The following CCNJL variants were observed in gnomAD, a reference collection of about 807,000 sequenced individuals.
CCNJL encodes the protein cyclin-J-like protein.
A neutral mutation model predicts 33.4 loss-of-function variants in CCNJL; 33 were observed. That is an observed-to-expected ratio of 0.99 (90% CI 0.75 to 1.32). The LOEUF is 1.32. Among genes scored for constraint, CCNJL ranks in the 40% most tolerant of loss-of-function variants. The pLI, the probability that CCNJL is intolerant of heterozygous loss-of-function variation, is 0.00. For synonymous variants in CCNJL, 227 were observed against 220.9 expected (o/e 1.03, Z -0.24); for missense variants, 512 against 499.7 (o/e 1.02, Z -0.23).
At chr5:160,258,229 TAAGACC>T in intron 4 of CCNJL, 1 of 613,152 alleles carries the variant, frequency 1.6e-6, no homozygotes. Context: ...TTTTTTTTTT[TAAGACC>T]GAGTCTCGCT....
intron 4 of CCNJL, among the ~76,000 whole-genome samples, chr5:160,257,268 G>T (rs540247019): frequency 6.6e-6 from 1 of 152,014 alleles, no homozygotes; most frequent in Non-Finnish European, 1.5e-5. Context: ...GAGGTCAGGA[G>T]ATCGAGACCA....
rs34177562 is a variant in CCNJL, at chr5:160,261,705, C to T, written c.281-1934G>A. On this transcript the variant is annotated intron_variant, in intron 3 of 5. Transcript: ENST00000257536. ...CCCTCCCCGGGCTGGGAATGCTCTT[C>T]CCCTCACCCCCCTTATCGGTGTCCT... 7.1e-3 allele frequency among the ~76,000 whole-genome samples: 1,079 copies of T among 152,246 alleles called. 8 individuals are homozygous for T. Among genetic ancestry groups the T allele is most frequent in the Middle Eastern group, 0.024 (7 of 294 alleles).
chr5:160,273,153 C>A (rs944914093), intron 3 of CCNJL, among the ~76,000 whole-genome samples: 2 of 152,196 alleles, frequency 1.3e-5, no homozygotes, highest in African/African-American at 4.8e-5. Context: ...ATTGTGAACA[C>A]TGAATTAGTG....
chr5:160,296,938 G>C (rs1038304385), intron 2 of CCNJL, among the ~76,000 whole-genome samples: 1 of 152,156 alleles, frequency 6.6e-6, no homozygotes, highest in Non-Finnish European at 1.5e-5. Context: ...TAGCTATGTG[G>C]GCTTGGGTAA....
chr5:160,282,982 T>TATATATATATATATATATATATATATAC (rs1250066370), intron 2 of CCNJL, among the ~76,000 whole-genome samples: 13 of 69,550 alleles, frequency 1.9e-4, no homozygotes, highest in Admixed American at 3.2e-4. Context: ...TATATATATA[T>TATATATATATATATATATATATATATAC]ATATATATAT....
intron 1 of CCNJL, among the ~76,000 whole-genome samples, chr5:160,324,436 G>T (rs1763510283): frequency 6.6e-6 from 1 of 152,162 alleles, no homozygotes; most frequent in Non-Finnish European, 1.5e-5. Context: ...AGCCAGGCGT[G>T]GTGGCGGGCA....
intron 1 of CCNJL, among the ~76,000 whole-genome samples, chr5:160,327,388 G>A (rs1763551173): frequency 6.6e-6 from 1 of 152,246 alleles, no homozygotes; most frequent in Non-Finnish European, 1.5e-5. Flanking sequence ...TTAGGAAGAT[G>A]TTGGGGGAAA....
intron 3 of CCNJL, among the ~76,000 whole-genome samples, chr5:160,266,559 T>C (rs954917475): frequency 1.3e-5 from 2 of 152,056 alleles, no homozygotes; most frequent in African/African-American, 2.4e-5. Flanking sequence ...CTGGTATCAT[T>C]TGTGTGATCT....
rs4921128 is a variant in CCNJL at position 160,321,032 on chromosome 5, T to C, written n.207-5527A>G. 4.4e-3 allele frequency among the ~76,000 whole-genome samples: 188 copies of C among 42,962 alleles called. 8 individuals are homozygous for C. Among genetic ancestry groups the C allele is most frequent in the Middle Eastern group, 9.3e-3 (1 of 108 alleles). The allele number at this position is 42,962 out of a possible 152,430, so 28.2% of individuals were successfully genotyped here. On this transcript the variant is annotated intron_variant and non_coding_transcript_variant, in intron 1 of 7. Coordinates refer to the CCNJL transcript ENST00000377503. The stretch of plus-strand genomic sequence containing the variant: ...TCTCTCTCTTTCTTTCTTTCTTTCT[T>C]TCTTTCTTTCTTTCTTTCTTTCTTT...
At chr5:160,263,568 G>A (rs1379180977) in intron 3 of CCNJL, among the ~76,000 whole-genome samples, 2 of 152,218 alleles carry the variant, frequency 1.3e-5, no homozygotes, top group Non-Finnish European at 2.9e-5. Context: ...AGGTCAAACA[G>A]TACAGGCAAG....
At chr5:160,299,558 A>G (rs1581002084) in intron 2 of CCNJL, among the ~76,000 whole-genome samples, 1 of 152,164 alleles carries the variant, frequency 6.6e-6, no homozygotes, top group East Asian at 1.9e-4. Context: ...AACAGAAGAT[A>G]TTAATGAATT....
rs867332912 is a variant in CCNJL at position 160,257,571 on chromosome 5, G to C, written c.584-1863C>G. Reference sequence around the variant, plus strand: ...CTCACGCCTGTAATCCCAGCTCTCAGGGAGGTAGAGGTGGGAGGATAGCTT... The same window carrying C: ...CTCACGCCTGTAATCCCAGCTCTCACGGAGGTAGAGGTGGGAGGATAGCTT... On this transcript the variant is annotated intron_variant, in intron 4 of 5. Coordinates refer to ENST00000257536, the MANE Select transcript of CCNJL (RefSeq NM_001308173.3). Among the ~76,000 whole-genome samples, 10 of 152,252 alleles carry C rather than the reference G, an allele frequency of 6.6e-5. No homozygotes were observed. In the South Asian group the frequency reaches 1.9e-3, roughly 28 times the overall value.
intron 2 of CCNJL, among the ~76,000 whole-genome samples, chr5:160,282,984 T>TATATATATATAC (rs1354380717): frequency 1.7e-5 from 1 of 58,108 alleles, no homozygotes; most frequent in Non-Finnish European, 3.2e-5. Flanking sequence ...TATATATATA[T>TATATATATATAC]ATATATATAT....
At position 160,337,254 on chromosome 5, in the gene CCNJL, G is replaced by T. The variant is rs1011870036; in HGVS notation, n.206+2191C>A. Among the ~76,000 whole-genome samples the T allele has an allele frequency of 8.7e-4, 131 of 151,346 alleles. 1 individual carries two copies. Among genetic ancestry groups the T allele is most frequent in the Non-Finnish European group, 3.4e-4 (23 of 67,902 alleles). On this transcript the variant is annotated intron_variant and non_coding_transcript_variant, in intron 1 of 7. Coordinates refer to the CCNJL transcript ENST00000377503. The stretch of plus-strand genomic sequence containing the variant: ...TGGTCTTGAACTCCTGGGCTGAAAA[G>T]ATCCTTCTGTCTCGCCTCGCCTCCC...
chr5:160,254,378 T>C (rs772198845), intron 5 of CCNJL: 3 of 646,754 alleles, frequency 4.6e-6, no homozygotes, highest in South Asian at 1.8e-5. Context: ...GCTTCCCATA[T>C]AGCTTTTTGG....
At position 160,251,466 on chromosome 5, in the gene CCNJL, A is replaced by G. The variant is rs1160393949; in HGVS notation, c.*1912T>C. On this transcript the variant is annotated 3_prime_UTR_variant, in exon 6 of 6. Transcript: ENST00000257536. ...ATGGAGCTGGGGTGTCAAGCCTTATACACCCCTCCGCTGGCCTCTGTGTGC... is the reference window on the plus strand; with the variant it reads ...ATGGAGCTGGGGTGTCAAGCCTTATGCACCCCTCCGCTGGCCTCTGTGTGC... 1 of 152,198 alleles carries G rather than the reference A, an allele frequency of 6.6e-6. No individual in the cohort carries two copies. Among genetic ancestry groups the G allele is most frequent in the Non-Finnish European group, 1.5e-5 (1 of 68,050 alleles). The allele number at this position is 152,198 out of a possible 1,614,324, so 9.4% of individuals were successfully genotyped here.
intron 5 of CCNJL, 137 bp downstream of exon 5, chr5:160,255,412 C>T: frequency 2.8e-6 from 2 of 709,532 alleles, no homozygotes; most frequent in Non-Finnish European, 4.8e-6. Context: ...CACCATGGCC[C>T]ACTTTCCCTG....
At chr5:160,292,628 T>A (rs1290739331) in intron 2 of CCNJL, among the ~76,000 whole-genome samples, 1 of 152,016 alleles carries the variant, frequency 6.6e-6, no homozygotes, top group African/African-American at 2.4e-5. Context: ...CTAACGTGTA[T>A]GTATATGTGT....
At chr5:160,334,040 C>T (rs1203766577) in intron 1 of CCNJL, among the ~76,000 whole-genome samples, 1 of 152,172 alleles carries the variant, frequency 6.6e-6, no homozygotes, top group Non-Finnish European at 1.5e-5. Flanking sequence ...AAAACTCAGA[C>T]TCTGTTGTTA....
Sources: allele counts gnomAD v4.1 joint callset (sites outside exome capture counted in the v4.1 genomes callset), GRCh38; gene constraint gnomAD v4.1.1; transcripts MANE v1.5; gene names NCBI Gene and HGNC (gene_info 2026-07-23, HGNC 2026-07-21).